RUNX2: variants seen among roughly 807,000 people sequenced by gnomAD.
RUNX2 encodes runt-related transcription factor 2.
In RUNX2, 10 loss-of-function variants were observed where a neutral mutation model predicts 51.7. The ratio of observed to expected loss-of-function variants is 0.19; its 90% CI spans 0.12 to 0.33. RUNX2 has a LOEUF of 0.33. Among genes scored for constraint, RUNX2 ranks in the 10% least tolerant of loss-of-function variants. RUNX2 has a pLI of 1.00. For synonymous variants in RUNX2, 276 were observed against 273.6 expected, an observed-to-expected ratio of 1.01 and a Z score of -0.09; for missense variants, 562 against 691.3, an observed-to-expected ratio of 0.81 and a Z score of 2.10.
intron 2 of RUNX2, among the ~76,000 whole-genome samples, chr6:45,348,874 T>G (rs1055542361): frequency 6.6e-6 from 1 of 152,190 alleles, no homozygotes; most frequent in African/African-American, 2.4e-5. Context: ...GAGGCTTTAG[T>G]TCCCCCATTA....
chr6:45,434,705 A>AT (rs902466427), intron 4 of RUNX2, among the ~76,000 whole-genome samples: 1 of 151,508 alleles, frequency 6.6e-6, no homozygotes. Flanking sequence ...TGGTCCTTAA[A>AT]TTTTTTTTTG....
chr6:45,432,586 G>T (rs944994490), intron 4 of RUNX2, among the ~76,000 whole-genome samples: 11 of 152,032 alleles, frequency 7.2e-5, no homozygotes, highest in Non-Finnish European at 1.2e-4. Flanking sequence ...ATGTAAGGTT[G>T]CCTAGACAGA....
chr6:45,385,233 A>C (rs1330577753), intron 2 of RUNX2, among the ~76,000 whole-genome samples: 2 of 152,220 alleles, frequency 1.3e-5, no homozygotes, highest in Non-Finnish European at 2.9e-5. Flanking sequence ...CCTGGGTGTC[A>C]GCTGAGATCT....
At chr6:45,337,415 A>G (rs1788801715) in intron 2 of RUNX2, among the ~76,000 whole-genome samples, 1 of 151,862 alleles carries the variant, frequency 6.6e-6, no homozygotes, top group African/African-American at 2.4e-5. Flanking sequence ...TTTAAAATAT[A>G]TAATTAAATC....
intron 5 of RUNX2, among the ~76,000 whole-genome samples, chr6:45,449,028 GT>G (rs960728734): frequency 6.6e-6 from 1 of 152,174 alleles, no homozygotes; most frequent in African/African-American, 2.4e-5. Flanking sequence ...GTGACAATGT[GT>G]TTTCTACCAT....
Position 45,479,873 on chromosome 6 carries a change from A to G in RUNX2, c.686-12068A>G, listed in dbSNP as rs144477975. On this transcript the variant is annotated intron_variant, in intron 5 of 8. Transcript: ENST00000647337. ...CTTGAAAAGAAGAGTAAAACTTGCT[A>G]TCTTCTAACTCCATTTAACACTACA... Among the ~76,000 whole-genome samples the G allele has an allele frequency of 2.8e-3, 427 of 152,360 alleles. 1 individual carries two copies. Among genetic ancestry groups the G allele is most frequent in the African/African-American group, 9.6e-3 (401 of 41,588 alleles).
chr6:45,409,636 T>C (rs1194656733), intron 2 of RUNX2, among the ~76,000 whole-genome samples: 1 of 152,214 alleles, frequency 6.6e-6, no homozygotes, highest in Non-Finnish European at 1.5e-5. Context: ...AAAGTTCCCA[T>C]TGAGCCACAG....
chr6:45,545,297 A>G lies in RUNX2; in HGVS notation c.1087+15A>G. 2 of 1,550,332 alleles carry G rather than the reference A, an allele frequency of 1.3e-6. No homozygotes were observed. The highest frequency in any genetic ancestry group is 1.7e-6 in the Non-Finnish European group (2 of 1,146,778). On this transcript the variant is annotated intron_variant, in intron 8 of 8. Coordinates refer to ENST00000647337, the MANE Select transcript of RUNX2 (RefSeq NM_001024630.4). ...GAGCCAGGCAGGTGAGACTTTTAAC[A>G]ATTGCTGGGCTGGGCAGGGCTGGGC...
At chr6:45,352,595 C>T (rs889330174) in intron 2 of RUNX2, among the ~76,000 whole-genome samples, 1 of 152,054 alleles carries the variant, frequency 6.6e-6, no homozygotes, top group African/African-American at 2.4e-5. Context: ...GAACAAAGTA[C>T]ATTTTATGCT....
At chr6:45,469,221 G>A (rs1451964165) in intron 5 of RUNX2, among the ~76,000 whole-genome samples, 1 of 152,138 alleles carries the variant, frequency 6.6e-6, no homozygotes, top group Non-Finnish European at 1.5e-5. Context: ...TTATTTACAT[G>A]TTATAAGAGG....
chr6:45,376,816 T>C (rs1796844106), intron 2 of RUNX2, among the ~76,000 whole-genome samples: 1 of 152,214 alleles, frequency 6.6e-6, no homozygotes, highest in Non-Finnish European at 1.5e-5. Context: ...GCCCTTCACA[T>C]ATACTAAGAC....
chr6:45,417,961 C>T lies in RUNX2; in HGVS notation c.59-4632C>T, dbSNP rs528239904. Among the ~76,000 whole-genome samples, 17 of 152,320 alleles carry T rather than the reference C, an allele frequency of 1.1e-4. 1 individual carries two copies. The South Asian group carries it at 3.5e-3, about 32-fold the overall frequency. ...GACTCCTGGTCTAGTGGCAATGCTGCTTCTTCAAGGGCTGAGTAACCTTCT... is the reference window on the plus strand; with the variant it reads ...GACTCCTGGTCTAGTGGCAATGCTGTTTCTTCAAGGGCTGAGTAACCTTCT... On this transcript the variant is annotated intron_variant, in intron 2 of 8. Coordinates refer to ENST00000647337, the MANE Select transcript of RUNX2 (RefSeq NM_001024630.4).
At chr6:45,339,772 T>C (rs567200989) in intron 2 of RUNX2, among the ~76,000 whole-genome samples, 5 of 152,154 alleles carry the variant, frequency 3.3e-5, no homozygotes, top group Non-Finnish European at 5.9e-5. Context: ...AAGTTTTAAT[T>C]TAATTAGACA....
At chr6:45,459,417 C>T (rs901725810) in intron 5 of RUNX2, among the ~76,000 whole-genome samples, 1 of 152,180 alleles carries the variant, frequency 6.6e-6, no homozygotes, top group Non-Finnish European at 1.5e-5. Context: ...TGAGCACCTG[C>T]TGTGTGCCTA....
chr6:45,474,983 G>A (rs1350421845), intron 5 of RUNX2, among the ~76,000 whole-genome samples: 4 of 152,060 alleles, frequency 2.6e-5, no homozygotes, highest in Non-Finnish European at 5.9e-5. Flanking sequence ...TAATCTCCGG[G>A]TGTGGTGGCA....
At chr6:45,329,103 CAGA>C (rs1425694199) in intron 2 of RUNX2, among the ~76,000 whole-genome samples, 1 of 151,792 alleles carries the variant, frequency 6.6e-6, no homozygotes, top group Non-Finnish European at 1.5e-5. Context: ...TAACCCTCAC[CAGA>C]AGAAAAGTCA....
chr6:45,498,878 G>A (rs1255508914), intron 6 of RUNX2, among the ~76,000 whole-genome samples: 4 of 152,212 alleles, frequency 2.6e-5, no homozygotes, highest in African/African-American at 9.7e-5. Context: ...TGTGTCTTAA[G>A]TTACTGTTCT....
intron 2 of RUNX2, among the ~76,000 whole-genome samples, chr6:45,395,841 A>G (rs1221423261): frequency 6.6e-6 from 1 of 151,992 alleles, no homozygotes; most frequent in African/African-American, 2.4e-5. Flanking sequence ...ATTTTTTTGT[A>G]TTTTTAGTAG....
In RUNX2 at chr6:45,547,862, C is replaced by T. The variant is rs558207106; in HGVS notation, c.*557C>T. On this transcript the variant is annotated 3_prime_UTR_variant, in exon 9 of 9. Coordinates refer to ENST00000647337, the MANE Select transcript of RUNX2 (RefSeq NM_001024630.4). ...AACTCTTCCAATTTCTGCTTTCAGA[C>T]ATGCTGCAGGTCCTCATCTGAACTG... 1 of 160,208 alleles carries T rather than the reference C, an allele frequency of 6.2e-6. No homozygotes were observed. Among genetic ancestry groups the T allele is most frequent in the East Asian group, 1.8e-4 (1 of 5,598 alleles). The allele number at this position is 160,208 out of a possible 1,614,324, so 9.9% of individuals were successfully genotyped here. A position where few individuals can be genotyped will look rare whatever the true frequency, so the allele number is the denominator to read the frequency against.
Sources: allele counts gnomAD v4.1 joint callset (sites outside exome capture counted in the v4.1 genomes callset), GRCh38; gene constraint gnomAD v4.1.1; transcripts MANE v1.5; gene names NCBI Gene and HGNC (gene_info 2026-07-23, HGNC 2026-07-21).